ZNF185: variants seen among roughly 807,000 people sequenced by gnomAD.
The protein encoded by ZNF185 is zinc finger protein 185.
Under a neutral mutation model 58.6 loss-of-function variants are expected in ZNF185, and 56 were observed. That is an observed-to-expected ratio of 0.95 (90% CI 0.77 to 1.19). The LOEUF is 1.19. Ranked by LOEUF, ZNF185 falls within the 50% of genes most tolerant of loss-of-function variation. The probability of loss-of-function intolerance (pLI) is 0.00; values close to 1 mark genes in which losing one functional copy is unlikely to be tolerated. For synonymous variants in ZNF185, 230 were observed against 215.9 expected (o/e 1.07, Z -0.57); for missense variants, 627 against 573.5 (o/e 1.09, Z -0.95).
chrX:152,969,477 G>C, exon 21 of ZNF185: 1 of 1,198,739 alleles, frequency 8.3e-7, no homozygotes, highest in Admixed American at 2.2e-5. Context: ...CATGAATATT[G>C]CTTTAAGGTA....
At chrX:152,948,658 C>T (rs1210223531) in intron 16 of ZNF185, among the ~76,000 whole-genome samples, 1 of 111,757 alleles carries the variant, frequency 8.9e-6, no homozygotes, top group Non-Finnish European at 1.9e-5. Context: ...CGTATCTTTT[C>T]ACTATAATAA....
In ZNF185 at chrX:152,970,374, C is replaced by T; in HGVS notation, c.1975-69C>T. 6.7e-6 allele frequency: 7 copies of T among 1,044,367 alleles called. No individual in the cohort carries two copies. In the South Asian group the frequency reaches 9.8e-5, roughly 15 times the overall value. 86.1% of individuals were successfully genotyped at this position (1,044,367 alleles called of 1,213,427 possible). The stretch of plus-strand genomic sequence containing the variant: ...TGCTCGCCCACCTTGTTCAGGCATC[C>T]CCTTCCCACTCCACTCATTCCTCTT... On this transcript the variant is annotated intron_variant, in intron 21 of 22. Coordinates refer to ENST00000449285, the Ensembl canonical transcript of ZNF185.
intron 14 of ZNF185, among the ~76,000 whole-genome samples, chrX:152,935,139 C>G (rs2046114803): frequency 9.1e-6 from 1 of 110,234 alleles, no homozygotes; most frequent in Non-Finnish European, 1.9e-5. Context: ...TATTTTCAAT[C>G]TGAAGTTGGT....
intron 14 of ZNF185, chrX:152,936,478 C>T (rs1556881855): frequency 8.6e-7 from 1 of 1,166,744 alleles, no homozygotes; most frequent in Non-Finnish European, 1.1e-6. Context: ...ACAGTGCCAA[C>T]TCTCAGTCCT....
chrX:152,946,196 TAGA>T (rs2047774569), intron 16 of ZNF185, among the ~76,000 whole-genome samples: 1 of 112,111 alleles, frequency 8.9e-6, no homozygotes, highest in South Asian at 3.7e-4. Flanking sequence ...GACAGAAATG[TAGA>T]AGGAGAGAGC....
chrX:152,968,082 A>G (rs997135245), intron 20 of ZNF185, among the ~76,000 whole-genome samples: 3 of 112,248 alleles, frequency 2.7e-5, no homozygotes, highest in African/African-American at 9.7e-5. Flanking sequence ...TAAGATAAAG[A>G]GAATCCTACC....
upstream of ZNF185, among the ~76,000 whole-genome samples, chrX:152,909,569 G>A (rs916235243): frequency 2.3e-4 from 26 of 112,469 alleles, 1 homozygote; most frequent in Non-Finnish European, 3.9e-4. Context: ...GAACGGAGAA[G>A]CCGGCCTCCT....
In ZNF185 at chrX:152,918,167, C is replaced by T. The variant is rs1556867369; in HGVS notation, c.431+13C>T. 1.0e-5 allele frequency: 12 copies of T among 1,182,508 alleles called. No individual in the cohort carries two copies. The highest frequency in any genetic ancestry group is 2.4e-5 in the Admixed American group (1 of 41,713). On this transcript the variant is annotated intron_variant, in intron 6 of 22. Coordinates refer to ENST00000449285, the Ensembl canonical transcript of ZNF185. The stretch of plus-strand genomic sequence containing the variant: ...ATTACAAGAAGCTGTGAGTATGCAA[C>T]GCCAGGCTCAGCGTGGTTCCCTCCT...
Position 152,919,096 on chromosome X carries a change from C to T in ZNF185, c.530+15C>T. ...CAGAAACGGAGGTAATGGAATGGTGCCTTTTGGGCATCCCGGGGGGCAGGG... is the reference window on the plus strand; with the variant it reads ...CAGAAACGGAGGTAATGGAATGGTGTCTTTTGGGCATCCCGGGGGGCAGGG... On this transcript the variant is annotated intron_variant, in intron 7 of 22. Coordinates refer to ENST00000449285, the Ensembl canonical transcript of ZNF185. 8.5e-7 allele frequency: 1 copy of T among 1,169,684 alleles called. No homozygotes were observed. The highest frequency in any genetic ancestry group is 1.2e-6 in the Non-Finnish European group (1 of 858,917).
intron 8 of ZNF185, 99 bp from the exon 10 acceptor site, chrX:152,920,608 G>A (rs782195931): frequency 6.6e-5 from 72 of 1,093,616 alleles, no homozygotes; most frequent in Non-Finnish European, 8.7e-5. Context: ...GTGAAGTGCC[G>A]GGAATGGAGA....
chrX:152,919,291 A>C (rs1452172733), intron 7 of ZNF185, among the ~76,000 whole-genome samples: 1 of 108,845 alleles, frequency 9.2e-6, no homozygotes, highest in Non-Finnish European at 1.9e-5. Flanking sequence ...GCCCTTGAGA[A>C]CCTTCTGTGG....
At chrX:152,934,528 C>G (rs2046041497) in intron 14 of ZNF185, among the ~76,000 whole-genome samples, 1 of 112,173 alleles carries the variant, frequency 8.9e-6, no homozygotes, top group Non-Finnish European at 1.9e-5. Flanking sequence ...ATAGTAGTCC[C>G]TAGGTATCTG....
intron 11 of ZNF185, among the ~76,000 whole-genome samples, chrX:152,923,474 C>T (rs1404430055): frequency 8.9e-6 from 1 of 112,388 alleles, no homozygotes; most frequent in Non-Finnish European, 1.9e-5. Flanking sequence ...CTCTGGTTGT[C>T]TGACTCTCCC....
intron 15 of ZNF185, among the ~76,000 whole-genome samples, chrX:152,944,594 G>C (rs1406380788): frequency 1.8e-5 from 2 of 112,027 alleles, no homozygotes; most frequent in Non-Finnish European, 3.8e-5. Context: ...CCAGATTGGA[G>C]GGTGCAGTGC....
chrX:152,956,513 C>T (rs1556904943), intron 16 of ZNF185, among the ~76,000 whole-genome samples: 1 of 111,635 alleles, frequency 9.0e-6, no homozygotes, highest in East Asian at 2.8e-4. Context: ...CCGAGGCAGG[C>T]GGATAACCTG....
chrX:152,914,743 A>G (rs782738575), exon 2 of ZNF185: 3 of 1,195,913 alleles, frequency 2.5e-6, no homozygotes, highest in African/African-American at 3.5e-5. Flanking sequence ...GAGGAGCGCA[A>G]TAACGTTCTC....
At chrX:152,910,199 C>T (rs1251281722), upstream of ZNF185, among the ~76,000 whole-genome samples, 2 of 111,801 alleles carry the variant, frequency 1.8e-5, no homozygotes, top group African/African-American at 3.2e-5. Flanking sequence ...TGAGCCACCA[C>T]GTCCGGCCCT....
intron 15 of ZNF185, among the ~76,000 whole-genome samples, chrX:152,938,684 G>A (rs1398986268): frequency 1.8e-5 from 2 of 110,988 alleles, no homozygotes; most frequent in African/African-American, 3.3e-5. Flanking sequence ...GGAGTCCACT[G>A]TGTGCACAGC....
intron 15 of ZNF185, among the ~76,000 whole-genome samples, chrX:152,938,799 TGGGAAGGATAGTG>T (rs1556885347): frequency 9.4e-6 from 1 of 106,248 alleles, no homozygotes; most frequent in Non-Finnish European, 2.0e-5. Flanking sequence ...CTGTGCCTCC[TGGGAAGGATAGTG>T]CTCCGAAGAA....
Sources: gnomAD v4.1 joint callset for allele counts (sites outside exome capture counted in the v4.1 genomes callset) on GRCh38, gnomAD v4.1.1 for gene constraint, MANE v1.5 for transcripts, NCBI Gene and HGNC (gene_info 2026-07-23, HGNC 2026-07-21) for gene names.